The following ITGA9 variants were observed in gnomAD, a reference collection of about 807,000 sequenced individuals.
ITGA9 encodes the protein integrin alpha-9.
ITGA9 carries 56 observed loss-of-function variants against 127.8 expected under a neutral mutation model. That is an observed-to-expected ratio of 0.44 (90% confidence interval 0.35 to 0.55). The LOEUF (loss-of-function observed/expected upper bound fraction) is 0.55, where lower values mean the gene tolerates loss of function less well. Ranked by LOEUF, ITGA9 falls within the 20% of genes least tolerant of loss-of-function variation. The pLI is 0.00. For synonymous variants in ITGA9, 508 were observed against 514.5 expected (o/e 0.99, Z 0.17); for missense variants, 1,196 against 1,347.1 (o/e 0.89, Z 1.76).
At chr3:37,586,612 A>G (rs1013859195) in intron 15 of ITGA9, among the ~76,000 whole-genome samples, 2 of 152,246 alleles carry the variant, frequency 1.3e-5, no homozygotes, top group Non-Finnish European at 2.9e-5. Flanking sequence ...GGCCTTCAGT[A>G]TCAAATGCAT....
At chr3:37,782,662 G>C (rs977904206) in intron 25 of ITGA9, among the ~76,000 whole-genome samples, 1 of 152,200 alleles carries the variant, frequency 6.6e-6, no homozygotes, top group African/African-American at 2.4e-5. Flanking sequence ...TTGGGGAGTG[G>C]AGCCCACATG....
At chr3:37,725,094 C>G (rs1184924001) in intron 18 of ITGA9, among the ~76,000 whole-genome samples, 1 of 152,214 alleles carries the variant, frequency 6.6e-6, no homozygotes, top group East Asian at 1.9e-4. Flanking sequence ...GAGCCTCTTT[C>G]AGAAGTTTGA....
At chr3:37,478,279 C>T (rs560063064) in intron 3 of ITGA9, among the ~76,000 whole-genome samples, 2 of 152,272 alleles carry the variant, frequency 1.3e-5, no homozygotes, top group South Asian at 2.1e-4. Flanking sequence ...AGGCTTTGGC[C>T]ATCTCTATGG....
intron 3 of ITGA9, among the ~76,000 whole-genome samples, chr3:37,480,058 T>C (rs1424641609): frequency 6.6e-6 from 1 of 152,092 alleles, no homozygotes; most frequent in Non-Finnish European, 1.5e-5. Context: ...TGAACTGATA[T>C]CAGAAGTGAG....
chr3:37,574,521 C>T (rs562999941), intron 15 of ITGA9, among the ~76,000 whole-genome samples: 5 of 152,126 alleles, frequency 3.3e-5, no homozygotes, highest in South Asian at 2.1e-4. Context: ...CATTAAGATC[C>T]AATCTGAAAT....
intron 15 of ITGA9, among the ~76,000 whole-genome samples, chr3:37,580,463 G>A (rs1196657743): frequency 6.6e-6 from 1 of 152,198 alleles, no homozygotes; most frequent in African/African-American, 2.4e-5. Context: ...TAAGTCTTGG[G>A]AGAGGTGATG....
intron 13 of ITGA9, among the ~76,000 whole-genome samples, chr3:37,531,595 C>T (rs1260659873): frequency 1.4e-4 from 22 of 152,058 alleles, no homozygotes; most frequent in Admixed American, 1.1e-3. Context: ...GATGATGGGG[C>T]GGGCTAGGCT....
At chr3:37,715,278 C>G (rs1183425098) in intron 18 of ITGA9, among the ~76,000 whole-genome samples, 1 of 152,134 alleles carries the variant, frequency 6.6e-6, no homozygotes, top group Admixed American at 6.5e-5. Flanking sequence ...CAGAGTAACT[C>G]ATTATATCAT....
At chr3:37,723,623 A>G (rs1701214976) in intron 18 of ITGA9, among the ~76,000 whole-genome samples, 1 of 152,176 alleles carries the variant, frequency 6.6e-6, no homozygotes, top group Non-Finnish European at 1.5e-5. Context: ...TGGCCTCCCA[A>G]GGTGCTGGGA....
chr3:37,628,020 C>T lies in ITGA9; in HGVS notation c.1690-1167C>T, dbSNP rs1169684635. Among the ~76,000 whole-genome samples, 3 of 152,166 alleles carry T rather than the reference C, an allele frequency of 2.0e-5. No homozygotes were observed. In the East Asian group the frequency reaches 5.8e-4, roughly 29 times the overall value. ...CCTCCTGGGGCCTTTAGAACCTCTA[C>T]TTCTTTGAACACAGTGCTACTCTGC... is the stretch of plus-strand genomic sequence containing the variant. On this transcript the variant is annotated intron_variant, in intron 15 of 27. Coordinates refer to ENST00000264741, the MANE Select transcript of ITGA9 (RefSeq NM_002207.3).
intron 8 of ITGA9, 103 bp downstream of exon 8, chr3:37,508,730 G>A (rs1462693499): frequency 1.2e-6 from 1 of 846,120 alleles, no homozygotes; most frequent in African/African-American, 1.7e-5. Flanking sequence ...CCTGTGCCCT[G>A]TGTTTATATG....
chr3:37,722,724 T>A (rs1321874661), intron 18 of ITGA9, among the ~76,000 whole-genome samples: 4 of 152,256 alleles, frequency 2.6e-5, no homozygotes, highest in Non-Finnish European at 4.4e-5. Flanking sequence ...CATCAGTTGC[T>A]GGACATTAGA....
At chr3:37,732,571 G>A (rs1575212434) in intron 18 of ITGA9, 141 bp from the exon 19 acceptor site, 1 of 711,928 alleles carries the variant, frequency 1.4e-6, no homozygotes, top group East Asian at 2.7e-5. Context: ...GGGGGCTGGA[G>A]ACGGCCTGGT....
At chr3:37,729,615 G>A (rs759340706) in intron 18 of ITGA9, among the ~76,000 whole-genome samples, 1 of 151,842 alleles carries the variant, frequency 6.6e-6, no homozygotes, top group Non-Finnish European at 1.5e-5. Context: ...AGGTTTCCTC[G>A]AGTTCCAGAG....
At chr3:37,556,668 G>GCTGCTGGTC (rs1388104034) in intron 15 of ITGA9, among the ~76,000 whole-genome samples, 1 of 152,198 alleles carries the variant, frequency 6.6e-6, no homozygotes, top group Admixed American at 6.5e-5. Context: ...TGACGCTGGT[G>GCTGCTGGTC]CTGCTGGTCC....
intron 1 of ITGA9, among the ~76,000 whole-genome samples, chr3:37,464,398 G>C (rs1337029128): frequency 6.6e-6 from 1 of 151,820 alleles, no homozygotes; most frequent in Non-Finnish European, 1.5e-5. Flanking sequence ...TGAGTGTCAA[G>C]GTGTTTGACC....
chr3:37,631,756 G>A (rs1184582208), intron 16 of ITGA9, among the ~76,000 whole-genome samples: 1 of 152,142 alleles, frequency 6.6e-6, no homozygotes, highest in African/African-American at 2.4e-5. Context: ...TGCAAGTGGT[G>A]GTGGTATTGA....
In ITGA9 at chr3:37,509,817, C is replaced by G. The variant is rs138074034; in HGVS notation, c.897+1190C>G. On this transcript the variant is annotated intron_variant, in intron 8 of 27. Coordinates refer to ENST00000264741, the MANE Select transcript of ITGA9 (RefSeq NM_002207.3). ...TTCTGCAAAAGGGTTTTCCAAGCAC[C>G]CTTAAAGTTAGAAAAGAAATAACTC... Among the ~76,000 whole-genome samples, 137 of 152,120 alleles carry G rather than the reference C, an allele frequency of 9.0e-4. 1 individual carries two copies. The highest frequency in any genetic ancestry group is 8.6e-3 in the Admixed American group (131 of 15,278).
At chr3:37,574,942 A>C (rs186212436) in intron 15 of ITGA9, among the ~76,000 whole-genome samples, 25 of 152,300 alleles carry the variant, frequency 1.6e-4, no homozygotes, top group Middle Eastern at 3.4e-3. Flanking sequence ...CTGCCCTGGA[A>C]TTGCTTTCAA....
Sources: gnomAD v4.1 joint callset for allele counts (sites outside exome capture counted in the v4.1 genomes callset) on GRCh38, gnomAD v4.1.1 for gene constraint, MANE v1.5 for transcripts, NCBI Gene and HGNC (gene_info 2026-07-23, HGNC 2026-07-21) for gene names.